Variants in NEK6 observed in about 807,000 individuals in gnomAD.
NEK6 encodes serine/threonine-protein kinase Nek6.
In NEK6, 27 loss-of-function variants were observed where a neutral mutation model predicts 43.5. The ratio of observed to expected loss-of-function variants is 0.62; its 90% CI spans 0.46 to 0.86. The LOEUF is 0.86. NEK6 is among the 40% of genes least tolerant of loss of function. NEK6 has a pLI of 0.00. For synonymous variants in NEK6, 167 were observed against 164.1 expected (o/e 1.02, Z -0.14); for missense variants, 318 against 414.4 (o/e 0.77, Z 2.02).
chr9:124,331,128 T>G (rs934262670), intron 7 of NEK6, among the ~76,000 whole-genome samples: 1 of 151,108 alleles, frequency 6.6e-6, no homozygotes, highest in Non-Finnish European at 1.5e-5. Context: ...TAGCCAGGCC[T>G]GGTGGTGCAC....
chr9:124,310,609 CTTT>C (rs948229531), intron 2 of NEK6, among the ~76,000 whole-genome samples: 48 of 151,980 alleles, frequency 3.2e-4, no homozygotes, highest in Middle Eastern at 3.2e-3. Flanking sequence ...GAGACATTTT[CTTT>C]TTTTTGAGAT....
At chr9:124,319,196 G>C (rs886553460) in intron 4 of NEK6, among the ~76,000 whole-genome samples, 4 of 151,634 alleles carry the variant, frequency 2.6e-5, no homozygotes, top group Admixed American at 2.6e-4. Flanking sequence ...TGTTGGCCAG[G>C]CTGGTCTCGA....
At chr9:124,294,507 G>A (rs899722858) in intron 1 of NEK6, among the ~76,000 whole-genome samples, 1 of 148,844 alleles carries the variant, frequency 6.7e-6, no homozygotes, top group Non-Finnish European at 1.5e-5. Context: ...AAAAAAAAAA[G>A]TGCCGAGATG....
At chr9:124,308,669 A>G (rs563015474) in intron 2 of NEK6, among the ~76,000 whole-genome samples, 4 of 152,126 alleles carry the variant, frequency 2.6e-5, no homozygotes, top group Admixed American at 6.5e-5. Context: ...AAAAAAAAAA[A>G]AAAAAACCAG....
intron 2 of NEK6, among the ~76,000 whole-genome samples, chr9:124,308,118 T>C (rs1018826909): frequency 6.6e-6 from 1 of 152,286 alleles, no homozygotes; most frequent in South Asian, 2.1e-4. Flanking sequence ...TGTTATGATC[T>C]CCTCAGTTTC....
In NEK6 at chr9:124,271,711, T is replaced by C. The variant is rs186309619; in HGVS notation, c.-30+13626T>C. Among the ~76,000 whole-genome samples the C allele has an allele frequency of 4.3e-3, 652 of 152,358 alleles. 7 individuals are homozygous for C. Among genetic ancestry groups the C allele is most frequent in the African/African-American group, 0.014 (585 of 41,590 alleles). ...ACACTGGCTGGCTGAGGTCCCTCCCTGGCTGGGCCTCTTGCCCCCACCGTC... is the reference window on the plus strand; with the variant it reads ...ACACTGGCTGGCTGAGGTCCCTCCCCGGCTGGGCCTCTTGCCCCCACCGTC... On this transcript the variant is annotated intron_variant, in intron 1 of 9. Transcript: ENST00000320246.
At chr9:124,277,575 A>C (rs1407094507) in intron 1 of NEK6, among the ~76,000 whole-genome samples, 1 of 152,166 alleles carries the variant, frequency 6.6e-6, no homozygotes, top group Non-Finnish European at 1.5e-5. Flanking sequence ...TTTCCTGTGA[A>C]AAACCAGGCC....
chr9:124,322,593 A>G (rs1794622407), intron 5 of NEK6, among the ~76,000 whole-genome samples: 1 of 151,540 alleles, frequency 6.6e-6, no homozygotes, highest in Non-Finnish European at 1.5e-5. Flanking sequence ...TTCAGCCCCT[A>G]CTCCACTGCT....
intron 1 of NEK6, among the ~76,000 whole-genome samples, chr9:124,263,641 G>A (rs1831118791): frequency 6.6e-6 from 1 of 152,186 alleles, no homozygotes; most frequent in South Asian, 2.1e-4. Context: ...CTTGGTCCGT[G>A]GCCCAGAGTG....
intron 1 of NEK6, among the ~76,000 whole-genome samples, chr9:124,276,521 G>A (rs1831657693): frequency 6.6e-6 from 1 of 152,186 alleles, no homozygotes; most frequent in Non-Finnish European, 1.5e-5. Flanking sequence ...GTACATCGAA[G>A]GGGCCATTGA....
Position 124,334,028 on chromosome 9 carries a change from T to C in NEK6, c.623-5543T>C, listed in dbSNP as rs1019371822. Among the ~76,000 whole-genome samples the C allele has an allele frequency of 5.9e-5, 9 of 152,138 alleles. No homozygotes were observed. In the East Asian group the frequency reaches 1.5e-3, roughly 26 times the overall value. On this transcript the variant is annotated intron_variant, in intron 7 of 9. Transcript: ENST00000320246. ...TCCTGACCTCGTGATCCACCCGCCT[T>C]GGCCTCCCAAAGTGCTGGGATTACA...
At chr9:124,313,183 C>T (rs1386446852) in intron 3 of NEK6, among the ~76,000 whole-genome samples, 1 of 152,190 alleles carries the variant, frequency 6.6e-6, no homozygotes, top group Non-Finnish European at 1.5e-5. Flanking sequence ...GCTTTAAATC[C>T]TCCAGCAAAG....
intron 1 of NEK6, among the ~76,000 whole-genome samples, chr9:124,299,523 G>A (rs1832852397): frequency 6.6e-6 from 1 of 152,192 alleles, no homozygotes; most frequent in African/African-American, 2.4e-5. Flanking sequence ...ACCTTGGGAT[G>A]TCACCTGCGC....
intron 7 of NEK6, among the ~76,000 whole-genome samples, chr9:124,330,363 A>G (rs1828912130): frequency 6.6e-6 from 1 of 152,254 alleles, no homozygotes; most frequent in African/African-American, 2.4e-5. Flanking sequence ...CTCACAAGCT[A>G]CAAGCAAGTG....
chr9:124,342,536 G>T (rs1438547159), intron 8 of NEK6, among the ~76,000 whole-genome samples: 1 of 152,240 alleles, frequency 6.6e-6, no homozygotes, highest in African/African-American at 2.4e-5. Flanking sequence ...AGGTGCCCGA[G>T]TCAGAGAAGG....
At chr9:124,328,628 G>A (rs995011326) in intron 7 of NEK6, among the ~76,000 whole-genome samples, 37 of 152,252 alleles carry the variant, frequency 2.4e-4, no homozygotes, top group African/African-American at 8.0e-4. Flanking sequence ...TGCGGCAAGC[G>A]GGGTGTGAGA....
chr9:124,333,370 C>G (rs748660), intron 7 of NEK6, among the ~76,000 whole-genome samples: 47,064 of 152,022 alleles, frequency 0.31, 8,372 homozygotes, highest in Non-Finnish European at 0.39. Flanking sequence ...CCCTGCCCCC[C>G]AGTGAGACAC....
At chr9:124,293,097 C>G in intron 1 of NEK6, 3 of 1,339,164 alleles carry the variant, frequency 2.2e-6, no homozygotes, top group Middle Eastern at 2.5e-4. Flanking sequence ...TAGAGTGAGA[C>G]CGCAGCTCTC....
chr9:124,314,046 G>T, intron 4 of NEK6, 61 bp downstream of exon 4: 1 of 1,478,630 alleles, frequency 6.8e-7, no homozygotes. Flanking sequence ...GGCCGCGGCT[G>T]GGCCACATCA....
Sources: gnomAD v4.1 joint callset for allele counts (sites outside exome capture counted in the v4.1 genomes callset) on GRCh38, gnomAD v4.1.1 for gene constraint, MANE v1.5 for transcripts, NCBI Gene and HGNC (gene_info 2026-07-23, HGNC 2026-07-21) for gene names.